GRAMD1C: variants seen among roughly 807,000 people sequenced by gnomAD.
The protein encoded by GRAMD1C is protein Aster-C.
GRAMD1C carries 89 observed loss-of-function variants against 97.8 expected under a neutral mutation model. The ratio of observed to expected loss-of-function variants is 0.91; its 90% CI spans 0.77 to 1.09. The LOEUF is 1.09. Among genes scored for constraint, GRAMD1C ranks in the 50% least tolerant of loss-of-function variants. The pLI is 0.00. For synonymous variants in GRAMD1C, 256 were observed against 267.0 expected (o/e 0.96, Z 0.40); for missense variants, 740 against 766.4 (o/e 0.97, Z 0.41).
intron 2 of GRAMD1C, among the ~76,000 whole-genome samples, chr3:113,848,830 T>A (rs113909048): frequency 2.0e-5 from 3 of 152,050 alleles, no homozygotes; most frequent in Admixed American, 6.6e-5. Context: ...AAATAAAAAT[T>A]TAATTCTGTA....
chr3:113,886,842 C>T (rs2107412150), intron 6 of GRAMD1C, among the ~76,000 whole-genome samples: 1 of 123,432 alleles, frequency 8.1e-6, no homozygotes, highest in South Asian at 2.6e-4. Context: ...AGTGCTGTGG[C>T]CTGATCTCGG....
intron 6 of GRAMD1C, 126 bp from the exon 7 acceptor site, chr3:113,900,904 CT>C: frequency 2.0e-6 from 1 of 511,660 alleles, no homozygotes. Context: ...GGTCAAATAA[CT>C]ACCAAAGCCC....
At chr3:113,940,412 G>A (rs1937714741) in intron 17 of GRAMD1C, 67 bp downstream of exon 17, 2 of 886,058 alleles carry the variant, frequency 2.3e-6, no homozygotes, top group African/African-American at 1.7e-5. Flanking sequence ...GCTCTTCTGT[G>A]TATGAGAGAA....
At chr3:113,849,555 A>C (rs1220830253) in intron 2 of GRAMD1C, among the ~76,000 whole-genome samples, 2 of 151,890 alleles carry the variant, frequency 1.3e-5, no homozygotes, top group Non-Finnish European at 2.9e-5. Flanking sequence ...CACCGCCCTT[A>C]ATCCATTCAA....
At chr3:113,912,594 ATGG>A (rs1296310844) in intron 9 of GRAMD1C, among the ~76,000 whole-genome samples, 2 of 152,120 alleles carry the variant, frequency 1.3e-5, no homozygotes, top group Non-Finnish European at 2.9e-5. Flanking sequence ...TTAGCTGGAC[ATGG>A]TGGTGCATGC....
At chr3:113,850,452 G>T in intron 2 of GRAMD1C, 1 of 1,356,066 alleles carries the variant, frequency 7.4e-7, no homozygotes, top group Non-Finnish European at 1.1e-6. Flanking sequence ...TGGCTGCAGC[G>T]TAGGGTGGCA....
Position 113,884,700 on chromosome 3 carries a change from G to GGCTAATTT in GRAMD1C, c.540+1868_540+1869insGCTAATTT, listed in dbSNP as rs1445753420. Among the ~76,000 whole-genome samples, 18 of 152,028 alleles carry GGCTAATTT rather than the reference G, an allele frequency of 1.2e-4. No individual in the cohort carries two copies. The South Asian group carries it at 2.1e-3, about 18-fold the overall frequency. On this transcript the variant is annotated intron_variant, in intron 6 of 17. Transcript: ENST00000358160. ...TAAAAATACAAAAAATTAGCTGGGC[G>GGCTAATTT]TGGTGGCGGGCACCTGTAGTCCCAG...
rs968741190 is a variant in GRAMD1C, at chr3:113,921,908, G to A, written c.1090+6070G>A. Among the ~76,000 whole-genome samples, 7 of 151,992 alleles carry A rather than the reference G, an allele frequency of 4.6e-5. No individual in the cohort carries two copies. The East Asian group carries it at 1.3e-3, about 29-fold the overall frequency. On this transcript the variant is annotated intron_variant, in intron 10 of 17. Transcript: ENST00000358160. ...TGTAAATATTTTCTCCCATTCTGTA[G>A]GTTGTCTGTTTACTCTGTTGATAGT...
chr3:113,909,996 T>A (rs1303782985), intron 9 of GRAMD1C, among the ~76,000 whole-genome samples: 4 of 152,226 alleles, frequency 2.6e-5, no homozygotes, highest in African/African-American at 7.2e-5. Context: ...CATTTAATTT[T>A]AAAAATTTCC....
intron 1 of GRAMD1C, among the ~76,000 whole-genome samples, chr3:113,842,544 C>T (rs138192171): frequency 2.0e-5 from 3 of 148,690 alleles, no homozygotes; most frequent in African/African-American, 7.7e-5. Flanking sequence ...ACTGGATATA[C>T]TTCAGGTGGA....
chr3:113,930,862 G>T (rs748191854), intron 11 of GRAMD1C, 30 bp downstream of exon 11: 18 of 1,133,688 alleles, frequency 1.6e-5, no homozygotes, highest in Non-Finnish European at 2.0e-5. Flanking sequence ...GTCCAGAAGA[G>T]TCATGTGTGG....
intron 17 of GRAMD1C, among the ~76,000 whole-genome samples, chr3:113,942,025 C>A (rs1577231558): frequency 6.6e-6 from 1 of 151,550 alleles, no homozygotes. Context: ...AAGCAAACCT[C>A]CCACCTCACC....
intron 9 of GRAMD1C, among the ~76,000 whole-genome samples, chr3:113,914,923 T>C (rs1467093490): frequency 6.6e-6 from 1 of 152,204 alleles, no homozygotes; most frequent in Non-Finnish European, 1.5e-5. Context: ...ACTTGTAAGG[T>C]ATGTAGCACA....
In GRAMD1C at chr3:113,933,781, G is replaced by A. The variant is rs2107371261; in HGVS notation, c.1352+128G>A. ...TTGCTTAAATTACATTTCCAACAGG[G>A]GTGAGCAGAGGAGTGGGGCTTCTCA... On this transcript the variant is annotated intron_variant, in intron 12 of 17. Coordinates refer to ENST00000358160, the MANE Select transcript of GRAMD1C (RefSeq NM_017577.5). 6.1e-6 allele frequency: 4 copies of A among 655,578 alleles called. No individual in the cohort carries two copies. The South Asian group carries it at 7.0e-5, about 12-fold the overall frequency. 40.6% of individuals were successfully genotyped at this position (655,578 alleles called of 1,614,324 possible).
chr3:113,895,580 TA>T (rs1371867844), intron 6 of GRAMD1C, among the ~76,000 whole-genome samples: 1 of 152,222 alleles, frequency 6.6e-6, no homozygotes, highest in Non-Finnish European at 1.5e-5. Flanking sequence ...ATCAATCTAA[TA>T]AATGCAACAT....
chr3:113,853,632 C>A (rs1933999449), intron 2 of GRAMD1C, among the ~76,000 whole-genome samples: 1 of 152,110 alleles, frequency 6.6e-6, no homozygotes, highest in Non-Finnish European at 1.5e-5. Context: ...CTTCTATGCA[C>A]GAGAATGTTC....
rs1334686021 is a variant in GRAMD1C at position 113,945,474 on chromosome 3, G to A, written c.1985G>A (p.Ser662Asn). 1 of 1,567,456 alleles carries A rather than the reference G, an allele frequency of 6.4e-7. No individual in the cohort carries two copies. Among genetic ancestry groups the A allele is most frequent in the East Asian group, 2.2e-5 (1 of 44,520 alleles). Residue 662 changes from serine to asparagine, a missense_variant, in exon 18 of 18, where the codon AGC becomes AAC. Transcript: ENST00000358160. ...NKNKTGMAVE[S>N] Reference sequence around the variant, plus strand: ...AATAAGACTGGCATGGCTGTTGAAAGCTAGTGATCTGAAGGACTAAAACCG... The same window carrying A: ...AATAAGACTGGCATGGCTGTTGAAAACTAGTGATCTGAAGGACTAAAACCG...
chr3:113,886,828 C>G (rs1577165419), intron 6 of GRAMD1C, among the ~76,000 whole-genome samples: 1 of 114,890 alleles, frequency 8.7e-6, no homozygotes, highest in Non-Finnish European at 1.6e-5. Context: ...TGTCACCAGG[C>G]TAGAGTGCTG....
At chr3:113,844,940 CTAA>C (rs530552137) in intron 2 of GRAMD1C, 401 of 222,272 alleles carry the variant, frequency 1.8e-3, no homozygotes, top group Admixed American at 3.7e-3. Context: ...TGTCAAGAGA[CTAA>C]TGTTATATAG....
Sources: allele counts gnomAD v4.1 joint callset (sites outside exome capture counted in the v4.1 genomes callset), GRCh38; gene constraint gnomAD v4.1.1; transcripts MANE v1.5; gene names NCBI Gene and HGNC (gene_info 2026-07-23, HGNC 2026-07-21).